ATG10: variants seen among roughly 807,000 people sequenced by gnomAD.
ATG10 encodes autophagy related 10.
A neutral mutation model predicts 32.1 loss-of-function variants in ATG10; 30 were observed. The observed-to-expected ratio is 0.94, with a 90% confidence interval of 0.70 to 1.27. ATG10 has a LOEUF of 1.27. Ranked by LOEUF, ATG10 falls within the 50% of genes most tolerant of loss-of-function variation. The probability of loss-of-function intolerance (pLI) is 0.00; values close to 1 mark genes in which losing one functional copy is unlikely to be tolerated. For missense variants in ATG10, 233 were observed against 262.3 expected (o/e 0.89, Z 0.77); for synonymous variants, 87 against 91.5 (o/e 0.95, Z 0.28).
chr5:82,228,207 CAAA>C (rs760841707), intron 5 of ATG10, among the ~76,000 whole-genome samples: 1 of 104,812 alleles, frequency 9.5e-6, no homozygotes, highest in African/African-American at 3.7e-5. Flanking sequence ...GGGACCATCT[CAAA>C]AAAAAAAAAA....
At chr5:82,076,588 A>G (rs1764281223) in intron 3 of ATG10, among the ~76,000 whole-genome samples, 1 of 152,160 alleles carries the variant, frequency 6.6e-6, no homozygotes, top group Non-Finnish European at 1.5e-5. Context: ...AAATGTGGTA[A>G]TACTTTTGAG....
intron 4 of ATG10, among the ~76,000 whole-genome samples, chr5:82,167,917 G>A (rs770033014): frequency 1.3e-5 from 2 of 152,142 alleles, no homozygotes; most frequent in Non-Finnish European, 2.9e-5. Flanking sequence ...TGGGAGAGGT[G>A]GTGGGACACA....
intron 3 of ATG10, among the ~76,000 whole-genome samples, chr5:82,068,894 C>T (rs1764031994): frequency 6.7e-6 from 1 of 150,346 alleles, no homozygotes. Context: ...AGTGAAACCA[C>T]TACTTAGAAC....
At chr5:82,040,834 A>G (rs545105027) in intron 2 of ATG10, among the ~76,000 whole-genome samples, 1 of 152,366 alleles carries the variant, frequency 6.6e-6, no homozygotes, top group Non-Finnish European at 1.5e-5. Flanking sequence ...GTCATGGCCA[A>G]CAAGTCCCTA....
intron 3 of ATG10, among the ~76,000 whole-genome samples, chr5:82,159,595 A>G (rs1269127750): frequency 1.3e-5 from 2 of 152,098 alleles, no homozygotes; most frequent in Non-Finnish European, 2.9e-5. Flanking sequence ...TCCTTAAAGT[A>G]GATAGAACAG....
intron 1 of ATG10, among the ~76,000 whole-genome samples, chr5:81,979,617 T>TATCATCTG (rs1760975930): frequency 6.6e-6 from 1 of 152,074 alleles, no homozygotes; most frequent in Non-Finnish European, 1.5e-5. Flanking sequence ...GACATTGCTC[T>TATCATCTG]ATCATCTGGC....
At chr5:82,072,988 T>A (rs1364931851) in intron 3 of ATG10, 1 of 152,170 alleles carries the variant, frequency 6.6e-6, no homozygotes, top group Non-Finnish European at 1.5e-5. Flanking sequence ...TTCTAGGTAA[T>A]ACTTTTTCTG....
chr5:82,196,264 A>G (rs1159813175), intron 5 of ATG10, among the ~76,000 whole-genome samples: 1 of 152,068 alleles, frequency 6.6e-6, no homozygotes, highest in Non-Finnish European at 1.5e-5. Flanking sequence ...GAGAGTTTTA[A>G]AGTATATTTT....
intron 3 of ATG10, among the ~76,000 whole-genome samples, chr5:82,121,698 T>G (rs1766045297): frequency 6.6e-6 from 1 of 152,166 alleles, no homozygotes; most frequent in Non-Finnish European, 1.5e-5. Flanking sequence ...AGCAAAAGCC[T>G]TTTCTGCATC....
rs139916076 is a variant in ATG10 at position 82,244,329 on chromosome 5, G to A, written c.454-8233G>A. On this transcript the variant is annotated intron_variant, in intron 5 of 7. Transcript: ENST00000282185. ...GTCAGAGGGCATGAGGAGGTGCAGT[G>A]TAAGTGTGTGGTCTTAGGAGATATG... Among the ~76,000 whole-genome samples the A allele has an allele frequency of 1.5e-4, 23 of 152,300 alleles. No homozygotes were observed. The East Asian group carries it at 4.4e-3, about 29-fold the overall frequency.
chr5:82,189,463 G>T (rs888150458), intron 5 of ATG10, among the ~76,000 whole-genome samples: 1 of 152,202 alleles, frequency 6.6e-6, no homozygotes, highest in African/African-American at 2.4e-5. Flanking sequence ...TCCAAGAGAT[G>T]GGGAGGGGTG....
intron 2 of ATG10, 139 bp from the exon 3 acceptor site, chr5:82,058,356 T>C (rs1763666758): frequency 8.2e-6 from 5 of 607,622 alleles, no homozygotes; most frequent in Middle Eastern, 3.9e-4. Flanking sequence ...GTTGGACTAG[T>C]CTCTTTATCC....
chr5:82,186,935 G>A (rs1744470228), intron 5 of ATG10, among the ~76,000 whole-genome samples: 1 of 152,018 alleles, frequency 6.6e-6, no homozygotes, highest in Admixed American at 6.6e-5. Flanking sequence ...ATACTCCATT[G>A]TGCTTTTCCT....
intron 5 of ATG10, among the ~76,000 whole-genome samples, chr5:82,218,533 C>G (rs1190587989): frequency 6.6e-6 from 1 of 151,740 alleles, no homozygotes; most frequent in Non-Finnish European, 1.5e-5. Context: ...TGTCATTTTC[C>G]TTCATCTCCA....
At chr5:82,014,809 A>T (rs1762233478) in intron 2 of ATG10, among the ~76,000 whole-genome samples, 1 of 152,036 alleles carries the variant, frequency 6.6e-6, no homozygotes, top group South Asian at 2.1e-4. Flanking sequence ...TTTTAATTGG[A>T]GCATTTAGCC....
At chr5:82,089,285 T>C (rs1432916262) in intron 3 of ATG10, among the ~76,000 whole-genome samples, 1 of 151,772 alleles carries the variant, frequency 6.6e-6, no homozygotes, top group Non-Finnish European at 1.5e-5. Context: ...GAGGTTGTGG[T>C]GAGCCGATAT....
intron 3 of ATG10, among the ~76,000 whole-genome samples, chr5:82,139,001 C>T (rs1274392203): frequency 5.3e-5 from 8 of 150,926 alleles, no homozygotes; most frequent in Non-Finnish European, 1.0e-4. Flanking sequence ...CGCAGGCACG[C>T]GCCGCCACGC....
intron 3 of ATG10, among the ~76,000 whole-genome samples, chr5:82,063,516 A>G (rs1193324811): frequency 6.7e-6 from 1 of 149,866 alleles, no homozygotes; most frequent in Non-Finnish European, 1.5e-5. Context: ...TTTTTGAAAT[A>G]GAGTCTCACT....
chr5:82,198,422 C>T (rs919230443), intron 5 of ATG10, among the ~76,000 whole-genome samples: 9 of 152,120 alleles, frequency 5.9e-5, no homozygotes, highest in African/African-American at 2.2e-4. Context: ...ACCACCATGC[C>T]TGGCTAATTT....
Sources: allele counts gnomAD v4.1 joint callset (sites outside exome capture counted in the v4.1 genomes callset), GRCh38; gene constraint gnomAD v4.1.1; transcripts MANE v1.5; gene names NCBI Gene and HGNC (gene_info 2026-07-23, HGNC 2026-07-21).